Variants in REDIC1 observed in about 807,000 individuals in gnomAD.
The protein encoded by REDIC1 is regulator of DNA class I crossover intermediates 1, also known as HEI10 Interacting Protein 1.
chr12:39,792,247 C>A, the REDIC1 span, among the ~76,000 whole-genome samples: 2 of 139,770 alleles, frequency 1.4e-5, no homozygotes, highest in Non-Finnish European at 3.1e-5. Context: ...AAGATTTAAA[C>A]GTTAGACCTA....
the REDIC1 span, among the ~76,000 whole-genome samples, chr12:39,667,595 G>A: frequency 6.6e-6 from 1 of 152,164 alleles, no homozygotes; most frequent in Admixed American, 6.5e-5. Flanking sequence ...GCTTGGTGCA[G>A]AGCTGAGTTC....
the REDIC1 span, among the ~76,000 whole-genome samples, chr12:39,769,438 G>T: frequency 2.6e-5 from 4 of 152,066 alleles, no homozygotes; most frequent in African/African-American, 7.2e-5. Flanking sequence ...TCTTTTAAAA[G>T]AATTGAAGAT....
At chr12:39,775,839 A>G in the REDIC1 span, among the ~76,000 whole-genome samples, 5 of 152,314 alleles carry the variant, frequency 3.3e-5, no homozygotes, top group South Asian at 1.0e-3. Flanking sequence ...TGAGACCAGA[A>G]GTGTTTCAGA....
the REDIC1 span, among the ~76,000 whole-genome samples, chr12:39,855,573 G>GT: frequency 1.2e-4 from 18 of 151,886 alleles, no homozygotes; most frequent in Non-Finnish European, 1.6e-4. Flanking sequence ...GAGGAAGGCT[G>GT]TTTTTTTTGT....
chr12:39,703,954 A>G, the REDIC1 span, among the ~76,000 whole-genome samples: 4 of 152,210 alleles, frequency 2.6e-5, no homozygotes, highest in African/African-American at 7.2e-5. Context: ...TAAACGTTAG[A>G]CCTAAAACCA....
chr12:39,695,686 T>C, the REDIC1 span, among the ~76,000 whole-genome samples: 2 of 152,248 alleles, frequency 1.3e-5, no homozygotes, highest in East Asian at 3.9e-4. Context: ...CTTGACACCC[T>C]GAAGGGAAGG....
chr12:39,685,702 C>T, the REDIC1 span, among the ~76,000 whole-genome samples: 1 of 152,128 alleles, frequency 6.6e-6, no homozygotes, highest in Admixed American at 6.5e-5. Context: ...CAGCAGTTCT[C>T]CAAAGTCTTA....
chr12:39,679,862 G>A, the REDIC1 span, among the ~76,000 whole-genome samples: 1 of 152,048 alleles, frequency 6.6e-6, no homozygotes, highest in African/African-American at 2.4e-5. Context: ...ACTGATCTTC[G>A]ACAAAGCAAA....
chr12:39,880,540 TCAAG>T, the REDIC1 span, among the ~76,000 whole-genome samples: 1 of 152,154 alleles, frequency 6.6e-6, no homozygotes, highest in African/African-American at 2.4e-5. Flanking sequence ...TACCATTAAA[TCAAG>T]CAATGATACA....
the REDIC1 span, among the ~76,000 whole-genome samples, chr12:39,653,990 T>G: frequency 6.6e-6 from 1 of 152,164 alleles, no homozygotes; most frequent in East Asian, 1.9e-4. Flanking sequence ...AGTTCTCTTC[T>G]GTTTCTAGAG....
chr12:39,710,014 A>T, the REDIC1 span, among the ~76,000 whole-genome samples: 1 of 151,678 alleles, frequency 6.6e-6, no homozygotes, highest in South Asian at 2.1e-4. Context: ...GACAGTGGTC[A>T]CCCTAAGAAG....
the REDIC1 span, among the ~76,000 whole-genome samples, chr12:39,668,355 G>C: frequency 6.6e-6 from 1 of 151,998 alleles, no homozygotes; most frequent in African/African-American, 2.4e-5. Flanking sequence ...TGAAATTCTG[G>C]GTTGAAAATT....
At chr12:39,842,461 T>A in the REDIC1 span, among the ~76,000 whole-genome samples, 1 of 152,036 alleles carries the variant, frequency 6.6e-6, no homozygotes, top group Non-Finnish European at 1.5e-5. Context: ...CTGATCAGCA[T>A]AGTGACTAAC....
At chr12:39,683,035 T>C in the REDIC1 span, 1 of 1,613,244 alleles carries the variant, frequency 6.2e-7, no homozygotes, top group Non-Finnish European at 8.5e-7. Flanking sequence ...TCCAGAAAAA[T>C]GTCAGCCAAA....
At chr12:39,676,773 C>T in the REDIC1 span, among the ~76,000 whole-genome samples, 4 of 152,088 alleles carry the variant, frequency 2.6e-5, no homozygotes, top group African/African-American at 9.7e-5. Flanking sequence ...AGAAACCCTA[C>T]AAGCCAGAAG....
chr12:39,633,239 A>G, the REDIC1 span, among the ~76,000 whole-genome samples: 2 of 152,206 alleles, frequency 1.3e-5, no homozygotes, highest in African/African-American at 4.8e-5. Flanking sequence ...AGTTTTTTCT[A>G]TTTTTAATTT....
At chr12:39,819,264 GT>G in the REDIC1 span, among the ~76,000 whole-genome samples, 3 of 152,004 alleles carry the variant, frequency 2.0e-5, no homozygotes, top group African/African-American at 7.2e-5. Context: ...TAAATTCATG[GT>G]TTACAAATAT....
At chr12:39,689,572 G>A in the REDIC1 span, among the ~76,000 whole-genome samples, 1 of 152,090 alleles carries the variant, frequency 6.6e-6, no homozygotes, top group African/African-American at 2.4e-5. Context: ...TATGATTCTC[G>A]AGAGAAAGTG....
the REDIC1 span, among the ~76,000 whole-genome samples, chr12:39,803,280 G>A: frequency 2.7e-5 from 4 of 150,026 alleles, no homozygotes; most frequent in East Asian, 2.0e-4. Context: ...AGATAAAACC[G>A]TGATGAAAAT....
Sources: allele counts gnomAD v4.1 joint callset (sites outside exome capture counted in the v4.1 genomes callset), GRCh38; gene constraint gnomAD v4.1.1; transcripts MANE v1.5; gene names NCBI Gene and HGNC (gene_info 2026-07-23, HGNC 2026-07-21).